Variants in DSCAML1 observed in about 807,000 individuals in gnomAD.
The protein encoded by DSCAML1 is cell adhesion molecule DSCAML1.
A neutral mutation model predicts 200.5 loss-of-function variants in DSCAML1; 38 were observed. The observed-to-expected ratio is 0.19, with a 90% CI of 0.15 to 0.25. The LOEUF (loss-of-function observed/expected upper bound fraction) is 0.25, where lower values mean the gene tolerates loss of function less well. DSCAML1 is among the 10% of genes least tolerant of loss of function. The pLI, the probability that DSCAML1 is intolerant of heterozygous loss-of-function variation, is 1.00. For missense variants in DSCAML1, 2,223 were observed against 2,858.8 expected (o/e 0.78, Z 5.07); for synonymous variants, 1,215 against 1,165.0 (o/e 1.04, Z -0.87).
chr11:117,665,735 C>T (rs950362104), intron 3 of DSCAML1, among the ~76,000 whole-genome samples: 27 of 152,160 alleles, frequency 1.8e-4, no homozygotes, highest in Non-Finnish European at 3.7e-4. Flanking sequence ...GGTACCTGAG[C>T]CCATAATCCC....
chr11:117,658,030 C>T (rs1337981396), intron 3 of DSCAML1, among the ~76,000 whole-genome samples: 1 of 152,130 alleles, frequency 6.6e-6, no homozygotes, highest in East Asian at 1.9e-4. Context: ...CCAGCTGGCA[C>T]CAAGGCACAA....
intron 29 of DSCAML1, 77 bp downstream of exon 29, chr11:117,433,061 G>T: frequency 7.9e-7 from 1 of 1,267,608 alleles, no homozygotes; most frequent in Non-Finnish European, 1.1e-6. Flanking sequence ...CATGAGGGTT[G>T]GTGTTTGACT....
chr11:117,677,739 T>A (rs919377303), intron 3 of DSCAML1, among the ~76,000 whole-genome samples: 2 of 152,194 alleles, frequency 1.3e-5, no homozygotes, highest in Non-Finnish European at 2.9e-5. Context: ...AGGACAGATA[T>A]GCTAACAAAA....
chr11:117,569,301 T>C (rs1016628210), intron 3 of DSCAML1, among the ~76,000 whole-genome samples: 6 of 152,214 alleles, frequency 3.9e-5, no homozygotes, highest in African/African-American at 7.2e-5. Context: ...ATTCAGGACA[T>C]AGGCATGGGC....
intron 3 of DSCAML1, among the ~76,000 whole-genome samples, chr11:117,708,556 C>G (rs1215211050): frequency 6.6e-6 from 1 of 152,192 alleles, no homozygotes; most frequent in Middle Eastern, 3.2e-3. Flanking sequence ...ATTAAACACA[C>G]AGTACTTGGC....
chr11:117,719,029 C>T (rs561819244), intron 3 of DSCAML1, among the ~76,000 whole-genome samples: 1 of 152,188 alleles, frequency 6.6e-6, no homozygotes, highest in East Asian at 1.9e-4. Context: ...GGCCCATGGG[C>T]TATAGTTTGT....
At chr11:117,547,666 C>A (rs112451090) in intron 3 of DSCAML1, among the ~76,000 whole-genome samples, 1 of 152,214 alleles carries the variant, frequency 6.6e-6, no homozygotes, top group East Asian at 1.9e-4. Context: ...AAAGGCCGCT[C>A]TGCTGCCGTT....
At chr11:117,709,645 A>G (rs1365843615) in intron 3 of DSCAML1, 1 of 454,820 alleles carries the variant, frequency 2.2e-6, no homozygotes, top group Non-Finnish European at 4.4e-6. Flanking sequence ...GGGTTACAGA[A>G]CCATAATCCC....
At chr11:117,540,948 C>T (rs963166982) in intron 3 of DSCAML1, among the ~76,000 whole-genome samples, 28 of 152,156 alleles carry the variant, frequency 1.8e-4, no homozygotes, top group African/African-American at 6.0e-4. Context: ...TGAGATATTG[C>T]GTAGGGGATT....
At chr11:117,586,749 G>C (rs2051152097) in intron 3 of DSCAML1, among the ~76,000 whole-genome samples, 1 of 152,192 alleles carries the variant, frequency 6.6e-6, no homozygotes, top group Admixed American at 6.5e-5. Context: ...TCCACGAACT[G>C]GGCAATACAA....
chr11:117,474,398 C>T (rs943665858), intron 14 of DSCAML1, among the ~76,000 whole-genome samples: 4 of 152,170 alleles, frequency 2.6e-5, no homozygotes, highest in South Asian at 2.1e-4. Flanking sequence ...AGGAATGGTT[C>T]GAGTTCTTCA....
At chr11:117,797,732 G>A (rs1192665244), upstream of DSCAML1, among the ~76,000 whole-genome samples, 4 of 152,160 alleles carry the variant, frequency 2.6e-5, no homozygotes, top group East Asian at 1.9e-4. Flanking sequence ...GCCCTCCGGA[G>A]AACCCCAGAT....
chr11:117,438,701 T>C (rs944540953), intron 24 of DSCAML1, among the ~76,000 whole-genome samples, 184 bp downstream of exon 24: 1 of 152,160 alleles, frequency 6.6e-6, no homozygotes, highest in Non-Finnish European at 1.5e-5. Flanking sequence ...GCGGGCGTAC[T>C]AAATCCCAGG....
chr11:117,588,147 G>A (rs1023831234), intron 3 of DSCAML1, among the ~76,000 whole-genome samples: 3 of 152,268 alleles, frequency 2.0e-5, no homozygotes, highest in Non-Finnish European at 4.4e-5. Context: ...TACAGTGAGG[G>A]AGGCACTGAG....
At chr11:117,439,517 G>A in intron 22 of DSCAML1, 88 bp from the exon 23 acceptor site, 1 of 1,509,446 alleles carries the variant, frequency 6.6e-7, no homozygotes, top group Non-Finnish European at 8.9e-7. Context: ...AAAGAGAGCT[G>A]GGGGTGGAAG....
chr11:117,508,018 C>A (rs1374757873), intron 8 of DSCAML1, among the ~76,000 whole-genome samples: 1 of 152,172 alleles, frequency 6.6e-6, no homozygotes, highest in Non-Finnish European at 1.5e-5. Context: ...TGCTGACCCC[C>A]CTCCTAGTTG....
chr11:117,738,737 G>A (rs1046702705), intron 3 of DSCAML1, among the ~76,000 whole-genome samples: 4 of 152,172 alleles, frequency 2.6e-5, no homozygotes, highest in Admixed American at 2.6e-4. Flanking sequence ...ATGACCGTCT[G>A]CTGGCAGCCC....
intron 1 of DSCAML1, among the ~76,000 whole-genome samples, chr11:117,816,801 G>GA (rs1034517443): frequency 2.7e-5 from 3 of 109,186 alleles, no homozygotes; most frequent in Non-Finnish European, 6.4e-5. Context: ...GAATTGCTGG[G>GA]GGGGTGGGGT....
chr11:117,585,333 C>T lies in DSCAML1; in HGVS notation c.512-52811G>A, dbSNP rs530435771. 9.9e-5 allele frequency among the ~76,000 whole-genome samples: 15 copies of T among 152,022 alleles called. No individual in the cohort carries two copies. In the South Asian group the frequency reaches 1.5e-3, roughly 15 times the overall value. On this transcript the variant is annotated intron_variant, in intron 3 of 32. Transcript: ENST00000651296. ...GGCATGATCTCAGCTCACTGCAACC[C>T]CAGCCTCCCGGGTTCAAGCAATTCT...
Sources: gnomAD v4.1 joint callset for allele counts (sites outside exome capture counted in the v4.1 genomes callset) on GRCh38, gnomAD v4.1.1 for gene constraint, MANE v1.5 for transcripts, NCBI Gene and HGNC (gene_info 2026-07-23, HGNC 2026-07-21) for gene names.